MAP2K6: variants seen among roughly 807,000 people sequenced by gnomAD.
The protein encoded by MAP2K6 is dual specificity mitogen-activated protein kinase kinase 6.
Under a neutral mutation model 53.7 loss-of-function variants are expected in MAP2K6, and 16 were observed. That is an observed-to-expected ratio of 0.30 (90% confidence interval 0.20 to 0.45). The LOEUF (loss-of-function observed/expected upper bound fraction) is 0.45, where lower values mean the gene tolerates loss of function less well. Ranked by LOEUF, MAP2K6 falls within the 20% of genes least tolerant of loss-of-function variation. The pLI, the probability that MAP2K6 is intolerant of heterozygous loss-of-function variation, is 1.00. For synonymous variants in MAP2K6, 132 were observed against 143.1 expected, an observed-to-expected ratio of 0.92 and a Z score of 0.55; for missense variants, 204 against 411.9, an observed-to-expected ratio of 0.50 and a Z score of 4.37.
intron 1 of MAP2K6, among the ~76,000 whole-genome samples, chr17:69,501,466 T>A (rs1049461831): frequency 1.3e-5 from 2 of 152,216 alleles, no homozygotes; most frequent in Admixed American, 1.3e-4. Flanking sequence ...AACATTTCTG[T>A]GGCCTGGTAA....
chr17:69,483,525 T>C (rs1908420800), intron 1 of MAP2K6, among the ~76,000 whole-genome samples: 1 of 152,070 alleles, frequency 6.6e-6, no homozygotes, highest in Non-Finnish European at 1.5e-5. Context: ...GGCAGTAGTT[T>C]CCAAATTGAT....
At chr17:69,446,763 A>G (rs905570817) in intron 1 of MAP2K6, among the ~76,000 whole-genome samples, 7 of 152,200 alleles carry the variant, frequency 4.6e-5, no homozygotes, top group South Asian at 2.1e-4. Flanking sequence ...GCCAAAGTAC[A>G]TGCACGAACG....
intron 1 of MAP2K6, among the ~76,000 whole-genome samples, chr17:69,458,635 C>T (rs752021440): frequency 4.6e-5 from 7 of 152,318 alleles, no homozygotes; most frequent in East Asian, 1.9e-4. Context: ...ATAGCACTAT[C>T]GTTCTCCTAC....
intron 1 of MAP2K6, among the ~76,000 whole-genome samples, chr17:69,453,454 T>G (rs1273366846): frequency 6.6e-6 from 1 of 152,208 alleles, no homozygotes; most frequent in Non-Finnish European, 1.5e-5. Flanking sequence ...TTTGCTGCAC[T>G]TAAAGGAAGG....
At chr17:69,508,040 A>ATTTTT (rs1909606304) in intron 2 of MAP2K6, among the ~76,000 whole-genome samples, 1 of 39,418 alleles carries the variant, frequency 2.5e-5, no homozygotes, top group African/African-American at 8.4e-5. Context: ...ATATATATGT[A>ATTTTT]GTTTTTTTTT....
rs1316435608 is a variant in MAP2K6, at chr17:69,551,745, T to A, written c.*9992T>A. ...TGATGTTTTAATAGAATAATAGGTA[T>A]TTTTAGAGGAAAAGTATTTTTTTGT... On this transcript the variant is annotated 3_prime_UTR_variant, in exon 12 of 12. Coordinates refer to ENST00000590474, the MANE Select transcript of MAP2K6 (RefSeq NM_002758.4). 1 of 152,216 alleles carries A rather than the reference T, an allele frequency of 6.6e-6. No individual in the cohort carries two copies. The highest frequency in any genetic ancestry group is 2.4e-5 in the African/African-American group (1 of 41,462). The allele number at this position is 152,216 out of a possible 1,614,324, so 9.4% of individuals were successfully genotyped here. A position where few individuals can be genotyped will look rare whatever the true frequency, so the allele number is the denominator to read the frequency against.
chr17:69,423,867 A>T (rs1598254383), intron 1 of MAP2K6, among the ~76,000 whole-genome samples: 1 of 152,322 alleles, frequency 6.6e-6, no homozygotes, highest in Non-Finnish European at 1.5e-5. Flanking sequence ...TTTAGAAAGT[A>T]TTAGGTTGGT....
intron 1 of MAP2K6, among the ~76,000 whole-genome samples, chr17:69,479,226 A>T (rs72861365): frequency 0.013 from 2,008 of 152,254 alleles, 17 homozygotes; most frequent in South Asian, 0.035. Context: ...TTATAAAAAA[A>T]AATTCTTAGC....
At chr17:69,499,862 A>G (rs573681234) in intron 1 of MAP2K6, among the ~76,000 whole-genome samples, 2 of 152,334 alleles carry the variant, frequency 1.3e-5, no homozygotes, top group African/African-American at 4.8e-5. Flanking sequence ...TTTTCAACTA[A>G]AATATCAAAG....
At chr17:69,517,372 A>G (rs1215860243) in intron 3 of MAP2K6, 128 bp from the exon 4 acceptor site, 1 of 502,880 alleles carries the variant, frequency 2.0e-6, no homozygotes, top group Non-Finnish European at 3.4e-6. Flanking sequence ...CTGCTTTGAC[A>G]TGCTAGAAAA....
chr17:69,519,581 C>A, intron 5 of MAP2K6, 149 bp downstream of exon 5: 2 of 848,282 alleles, frequency 2.4e-6, no homozygotes, highest in South Asian at 1.8e-5. Flanking sequence ...TGATGACATG[C>A]CCTGGAGCAA....
intron 1 of MAP2K6, among the ~76,000 whole-genome samples, chr17:69,484,134 T>A (rs367848317): frequency 7.2e-5 from 11 of 152,176 alleles, no homozygotes; most frequent in African/African-American, 2.4e-4. Context: ...AAAGACACAA[T>A]CAGGAAAGTG....
chr17:69,425,004 C>T (rs1189601799), intron 1 of MAP2K6, among the ~76,000 whole-genome samples: 1 of 152,170 alleles, frequency 6.6e-6, no homozygotes, highest in Non-Finnish European at 1.5e-5. Context: ...GAAACTAAGC[C>T]GACTCAAACC....
At position 69,532,471 on chromosome 17, in the gene MAP2K6, C is replaced by T. The variant is rs183563583; in HGVS notation, c.882-3644C>T. Among the ~76,000 whole-genome samples, 143 of 152,268 alleles carry T rather than the reference C, an allele frequency of 9.4e-4. 1 individual carries two copies. The highest frequency in any genetic ancestry group is 3.2e-3 in the African/African-American group (135 of 41,550). On this transcript the variant is annotated intron_variant, in intron 10 of 11. Coordinates refer to ENST00000590474, the MANE Select transcript of MAP2K6 (RefSeq NM_002758.4). Reference sequence around the variant, plus strand: ...GAATTAGGGCAGTTAGCTAATTGCACGCTTGAAAATGAGAAGCTCTTTGAA... The same window carrying T: ...GAATTAGGGCAGTTAGCTAATTGCATGCTTGAAAATGAGAAGCTCTTTGAA...
intron 10 of MAP2K6, among the ~76,000 whole-genome samples, chr17:69,532,197 G>T (rs1911119785): frequency 6.6e-6 from 1 of 152,208 alleles, no homozygotes; most frequent in Admixed American, 6.5e-5. Flanking sequence ...TCCTACTTGT[G>T]TAGGAAGGAC....
chr17:69,432,612 A>G (rs530417550), intron 1 of MAP2K6, among the ~76,000 whole-genome samples: 1 of 145,142 alleles, frequency 6.9e-6, no homozygotes, highest in East Asian at 2.3e-4. Flanking sequence ...ATGAGAACGC[A>G]TGGACACAGG....
chr17:69,446,596 A>G (rs1301602065), intron 1 of MAP2K6, among the ~76,000 whole-genome samples: 1 of 152,168 alleles, frequency 6.6e-6, no homozygotes, highest in Non-Finnish European at 1.5e-5. Flanking sequence ...GAGGAAACCA[A>G]AGTTCAGGGA....
chr17:69,422,976 T>C (rs933934517), intron 1 of MAP2K6, among the ~76,000 whole-genome samples: 5 of 152,124 alleles, frequency 3.3e-5, no homozygotes, highest in Non-Finnish European at 7.4e-5. Flanking sequence ...CGCCACCTCC[T>C]GGGTTCAAGC....
In MAP2K6 at chr17:69,494,954, G is replaced by T. The variant is rs148626398; in HGVS notation, c.17-10826G>T. Among the ~76,000 whole-genome samples the T allele has an allele frequency of 6.6e-6, 1 of 151,444 alleles. No individual in the cohort carries two copies. The highest frequency in any genetic ancestry group is 1.5e-5 in the Non-Finnish European group (1 of 67,758). Reference sequence around the variant, plus strand: ...TGGGAGGTGGAGGTTGCCGTGAGCCGAGATCGCGACATTGCACTCCAGCCT... The same window carrying T: ...TGGGAGGTGGAGGTTGCCGTGAGCCTAGATCGCGACATTGCACTCCAGCCT... On this transcript the variant is annotated intron_variant, in intron 1 of 11. Coordinates refer to ENST00000590474, the MANE Select transcript of MAP2K6 (RefSeq NM_002758.4). The surrounding 1 kb of genome is among the most constrained non-coding windows in gnomAD (Gnocchi z 4.2).
Sources: allele counts gnomAD v4.1 joint callset (sites outside exome capture counted in the v4.1 genomes callset), GRCh38; gene constraint gnomAD v4.1.1; non-coding constraint Gnocchi (gnomAD v3.1); transcripts MANE v1.5; gene names NCBI Gene and HGNC (gene_info 2026-07-23, HGNC 2026-07-21).